ZNF653: variants seen among roughly 807,000 people sequenced by gnomAD.
The protein encoded by ZNF653 is zinc finger protein 653.
In ZNF653, 37 loss-of-function variants were observed where a neutral mutation model predicts 59.9. The observed-to-expected ratio is 0.62, with a 90% confidence interval of 0.48 to 0.81. The LOEUF is 0.81. ZNF653 is among the 40% of genes least tolerant of loss of function. The probability of loss-of-function intolerance (pLI) is 0.00; values close to 1 mark genes in which losing one functional copy is unlikely to be tolerated. For synonymous variants in ZNF653, 435 were observed against 371.8 expected, an observed-to-expected ratio of 1.17 and a Z score of -1.96; for missense variants, 808 against 881.1, an observed-to-expected ratio of 0.92 and a Z score of 1.05.
At chr19:11,499,395 G>A (rs372936765) in intron 1 of ZNF653, among the ~76,000 whole-genome samples, 11 of 152,240 alleles carry the variant, frequency 7.2e-5, no homozygotes, top group African/African-American at 2.4e-4. Flanking sequence ...AACATATCTT[G>A]TAGGGCACAG....
At chr19:11,494,016 T>TA (rs1323900105) in intron 3 of ZNF653, among the ~76,000 whole-genome samples, 8 of 145,342 alleles carry the variant, frequency 5.5e-5, no homozygotes, top group African/African-American at 1.0e-4. Context: ...GACCCTGTCT[T>TA]AAAAAAAATA....
intron 3 of ZNF653, among the ~76,000 whole-genome samples, chr19:11,491,582 G>A (rs139317513): frequency 2.1e-4 from 32 of 151,968 alleles, no homozygotes; most frequent in African/African-American, 6.8e-4. Flanking sequence ...CCATTCCCTC[G>A]GCTTGAATCC....
chr19:11,502,252 C>T (rs566123084), intron 1 of ZNF653, among the ~76,000 whole-genome samples: 86 of 152,076 alleles, frequency 5.7e-4, no homozygotes, highest in African/African-American at 2.0e-3. Context: ...CCACCATGCC[C>T]GGCTAATTTT....
intron 1 of ZNF653, among the ~76,000 whole-genome samples, chr19:11,502,227 G>A (rs535510567): frequency 6.6e-6 from 1 of 152,180 alleles, no homozygotes; most frequent in African/African-American, 2.4e-5. Context: ...AAGCAGCTGC[G>A]ACTACAGGCG....
rs76009423 is a variant in ZNF653, at chr19:11,499,691, C to T, written c.300-1352G>A. Reference sequence around the variant, plus strand: ...CGTTAGGAGGTTAAGACGGGTGCATCGCTTGAGGCCAGAAGTTGGAGACCA... The same window carrying T: ...CGTTAGGAGGTTAAGACGGGTGCATTGCTTGAGGCCAGAAGTTGGAGACCA... On this transcript the variant is annotated intron_variant, in intron 1 of 8. Transcript: ENST00000293771. Among the ~76,000 whole-genome samples, 1,196 of 151,306 alleles carry T rather than the reference C, an allele frequency of 7.9e-3. 22 individuals carry two copies. Among genetic ancestry groups the T allele is most frequent in the African/African-American group, 0.028 (1,139 of 41,166 alleles).
chr19:11,488,881 C>T (rs1480802323), intron 3 of ZNF653, among the ~76,000 whole-genome samples: 1 of 151,880 alleles, frequency 6.6e-6, no homozygotes, highest in African/African-American at 2.4e-5. Flanking sequence ...CAGGCATGAG[C>T]CACCGCATCC....
intron 1 of ZNF653, among the ~76,000 whole-genome samples, chr19:11,503,751 A>G (rs1971671397): frequency 6.6e-6 from 1 of 152,046 alleles, no homozygotes; most frequent in African/African-American, 2.4e-5. Flanking sequence ...GGCTGCTGTG[A>G]GCTATGAACA....
chr19:11,486,808 C>A lies in ZNF653; in HGVS notation c.1416G>T (p.Glu472Asp). ...GGGCCACGTAGACTTGGCTGCAGCC[C>A]TCGTATGGGCAGTGGAACATCTCGA... The part of the protein sequence containing the change: ...GLLEMFHCPY[E>D]GCSQVYVALS... The change falls in exon 6 of 9, where the codon GAG becomes GAT. Residue 472 changes from glutamate to aspartate, a missense_variant. Transcript: ENST00000293771. 1 of 1,611,628 alleles carries A rather than the reference C, an allele frequency of 6.2e-7. No individual in the cohort carries two copies. Among genetic ancestry groups the A allele is most frequent in the East Asian group, 2.2e-5 (1 of 44,650 alleles).
chr19:11,502,517 C>A (rs1023952116), intron 1 of ZNF653, among the ~76,000 whole-genome samples: 1 of 152,156 alleles, frequency 6.6e-6, no homozygotes, highest in African/African-American at 2.4e-5. Flanking sequence ...TTCTTCAAGC[C>A]ACACACATCC....
chr19:11,485,602 A>G (rs530434747), intron 7 of ZNF653, 54 bp downstream of exon 7: 1 of 1,467,758 alleles, frequency 6.8e-7, no homozygotes, highest in South Asian at 1.1e-5. Context: ...CCAGGCTCCC[A>G]GGCCCATGTC....
intron 6 of ZNF653, among the ~76,000 whole-genome samples, chr19:11,486,201 C>T (rs901065190): frequency 1.3e-5 from 2 of 152,100 alleles, no homozygotes; most frequent in South Asian, 2.1e-4. Context: ...CCTCGTGATC[C>T]GCCCACCTCG....
chr19:11,500,071 T>C (rs1020109875), intron 1 of ZNF653, among the ~76,000 whole-genome samples: 2 of 152,194 alleles, frequency 1.3e-5, no homozygotes, highest in African/African-American at 4.8e-5. Flanking sequence ...GGCCCAGACC[T>C]GCTCTTGCCA....
chr19:11,505,510 C>T lies in ZNF653; in HGVS notation c.277G>A (p.Gly93Ser). The T allele has an allele frequency of 2.0e-6, 3 of 1,498,224 alleles. No homozygotes were observed. Among genetic ancestry groups the T allele is most frequent in the Admixed American group, 2.3e-5 (1 of 43,416 alleles). The allele number at this position is 1,498,224 out of a possible 1,614,324, so 92.8% of individuals were successfully genotyped here. A position where few individuals can be genotyped will look rare whatever the true frequency, so the allele number is the denominator to read the frequency against. Residue 93 changes from glycine (G) to serine (S), a missense_variant, in exon 1 of 9, where the codon GGC (glycine) becomes AGC (serine). Gly to Ser is a moderately conservative substitution (Grantham distance 56). Coordinates refer to ENST00000293771, the MANE Select transcript of ZNF653 (RefSeq NM_138783.4). ...LAAYLISLER[G>S]QRSGRHGKPW... ...CACCCGTGGCGGCCGCTCCGCTGGC[C>T]GCGCTCCAGAGAGATGAGGTAGGCG...
chr19:11,504,438 C>A (rs1000496818), intron 1 of ZNF653: 16 of 741,110 alleles, frequency 2.2e-5, no homozygotes, highest in South Asian at 1.2e-4. Flanking sequence ...AACAAAAAAA[C>A]CCCCCAGACC....
In ZNF653 at chr19:11,503,530, G is replaced by C. The variant is rs1051523231; in HGVS notation, c.299+1958C>G. On this transcript the variant is annotated intron_variant, in intron 1 of 8. Coordinates refer to ENST00000293771, the MANE Select transcript of ZNF653 (RefSeq NM_138783.4). ...TCTGCAGTAAACAAGCCTTTTGCCA[G>C]GTATGGTGGCTCATGACTTTAATCC... 2.6e-5 allele frequency among the ~76,000 whole-genome samples: 4 copies of C among 152,196 alleles called. No individual in the cohort carries two copies. In the East Asian group the frequency reaches 7.7e-4, roughly 29 times the overall value.
At position 11,487,238 on chromosome 19, in the gene ZNF653, G is replaced by A; in HGVS notation, c.1171+54C>T. 1 of 1,598,382 alleles carries A rather than the reference G, an allele frequency of 6.3e-7. No individual in the cohort carries two copies. The highest frequency in any genetic ancestry group is 8.5e-7 in the Non-Finnish European group (1 of 1,171,690). ...CACTTCGAGGGCCATTCCTCGCCCG[G>A]CCCCTCCCAGGCCCAACCACCCCTG... On this transcript the variant is annotated intron_variant, in intron 4 of 8. Transcript: ENST00000293771. This position sits in a 1 kb window ranked among gnomAD's most constrained non-coding sequence, Gnocchi z 5.1.
Position 11,492,115 on chromosome 19 carries a change from C to T in ZNF653, c.559+3835G>A, listed in dbSNP as rs541520133. 1.1e-3 allele frequency among the ~76,000 whole-genome samples: 172 copies of T among 151,980 alleles called. 1 individual carries two copies. Among genetic ancestry groups the T allele is most frequent in the African/African-American group, 4.0e-3 (165 of 41,448 alleles). Reference sequence around the variant, plus strand: ...AGGCTGGAGTGCAATGGTGCAGTCTCGGCTCACTGCAACCTCCACCTTCCA... The same window carrying T: ...AGGCTGGAGTGCAATGGTGCAGTCTTGGCTCACTGCAACCTCCACCTTCCA... On this transcript the variant is annotated intron_variant, in intron 3 of 8. Coordinates refer to ENST00000293771, the MANE Select transcript of ZNF653 (RefSeq NM_138783.4).
At position 11,496,054 on chromosome 19, in the gene ZNF653, A is replaced by C. The variant is rs1013234250; in HGVS notation, c.455T>G (p.Leu152Arg). The change falls in exon 3 of 9, where the codon CTG becomes CGG. Residue 152 changes from leucine to arginine, a missense_variant. Leu to Arg is a moderately radical substitution (Grantham distance 102, BLOSUM62 -2). Transcript: ENST00000293771. ...GCACTGCCACACGGCCGTGGTGTACAGGCCAAAAGTGGGGTCTAGCTCCGC... is the reference window on the plus strand; with the variant it reads ...GCACTGCCACACGGCCGTGGTGTACCGGCCAAAAGTGGGGTCTAGCTCCGC... ...HLAELDPTFG[L>R]YTTAVWQCEA... is the part of the protein sequence containing the mutation. The C allele has an allele frequency of 1.9e-6, 3 of 1,614,028 alleles. No homozygotes were observed. The highest frequency in any genetic ancestry group is 1.6e-4 in the Middle Eastern group (1 of 6,080).
Position 11,487,936 on chromosome 19 carries a change from T to G in ZNF653, c.560-33A>C, listed in dbSNP as rs1456843917. On this transcript the variant is annotated intron_variant, in intron 3 of 8. Coordinates refer to ENST00000293771, the MANE Select transcript of ZNF653 (RefSeq NM_138783.4). The surrounding 1 kb of genome is among the most constrained non-coding windows in gnomAD (Gnocchi z 5.1). ...GACAGAAGAAAGGGAGTGGTTATGA[T>G]AGCTGCAGCCACTGGTATTTGTTTA... 6.6e-7 allele frequency: 1 copy of G among 1,506,166 alleles called. No homozygotes were observed. The highest frequency in any genetic ancestry group is 2.4e-5 in the Admixed American group (1 of 42,210). 93.3% of individuals were successfully genotyped at this position (1,506,166 alleles called of 1,614,324 possible). A position where few individuals can be genotyped will look rare whatever the true frequency, so the allele number is the denominator to read the frequency against.
Sources: allele counts gnomAD v4.1 joint callset (sites outside exome capture counted in the v4.1 genomes callset), GRCh38; gene constraint gnomAD v4.1.1; non-coding constraint Gnocchi (gnomAD v3.1); transcripts MANE v1.5; gene names NCBI Gene and HGNC (gene_info 2026-07-23, HGNC 2026-07-21).